PANK1: variants seen among roughly 807,000 people sequenced by gnomAD.
The protein encoded by PANK1 is pantothenate kinase 1.
In PANK1, 18 loss-of-function variants were observed where a neutral mutation model predicts 40.1. The ratio of observed to expected loss-of-function variants is 0.45; its 90% confidence interval spans 0.31 to 0.67. The LOEUF is 0.67. Ranked by LOEUF, PANK1 falls within the 30% of genes least tolerant of loss-of-function variation. The pLI is 0.06. For missense variants in PANK1, 457 were observed against 599.6 expected (o/e 0.76, Z 2.48); for synonymous variants, 242 against 237.7 (o/e 1.02, Z -0.17).
At chr10:89,623,460 G>A (rs959247317) in intron 1 of PANK1, among the ~76,000 whole-genome samples, 2 of 151,584 alleles carry the variant, frequency 1.3e-5, no homozygotes, top group African/African-American at 4.9e-5. Flanking sequence ...TTCTGACCTC[G>A]CGATTCTCCC....
intron 1 of PANK1, among the ~76,000 whole-genome samples, chr10:89,634,100 G>A (rs1428326619): frequency 6.6e-6 from 1 of 152,206 alleles, no homozygotes; most frequent in Non-Finnish European, 1.5e-5. Context: ...GTTATAGGGA[G>A]ACAGATTTTG....
At position 89,593,320 on chromosome 10, in the gene PANK1, G is replaced by A; in HGVS notation, c.1077C>T (p.Ser359=). 2 of 1,613,472 alleles carry A rather than the reference G, an allele frequency of 1.2e-6. No individual in the cohort carries two copies. Among genetic ancestry groups the A allele is most frequent in the Non-Finnish European group, 1.7e-6 (2 of 1,179,678 alleles). ...FGLQGSAVAS[S]FGNMMSKEKR... is the part of the protein sequence containing the mutation. ...TTTCTTTACTCATCATGTTGCCAAA[G>A]CTATGTTGGAAATATCAGCGAGAGT... Residue 359 remains serine, a splice_region_variant and synonymous_variant, in exon 5 of 7, where the codon AGC becomes AGT. Coordinates refer to ENST00000307534, the MANE Select transcript of PANK1 (RefSeq NM_148977.3).
chr10:89,609,182 A>T (rs1845076167), intron 2 of PANK1, among the ~76,000 whole-genome samples: 1 of 152,188 alleles, frequency 6.6e-6, no homozygotes, highest in South Asian at 2.1e-4. Context: ...CTCGTGCCTC[A>T]GCCTCCTGAG....
At chr10:89,635,446 A>G (rs1228970350) in intron 1 of PANK1, among the ~76,000 whole-genome samples, 1 of 152,152 alleles carries the variant, frequency 6.6e-6, no homozygotes, top group Non-Finnish European at 1.5e-5. Flanking sequence ...GGCATTAATC[A>G]TTCATGGGGA....
intron 1 of PANK1, among the ~76,000 whole-genome samples, chr10:89,624,671 C>T (rs1299385095): frequency 6.6e-6 from 1 of 152,070 alleles, no homozygotes; most frequent in Non-Finnish European, 1.5e-5. Flanking sequence ...TTTTTAGTGA[C>T]TGGCCACATT....
chr10:89,614,709 A>G (rs1845266544), intron 1 of PANK1, among the ~76,000 whole-genome samples: 1 of 152,034 alleles, frequency 6.6e-6, no homozygotes, highest in African/African-American at 2.4e-5. Flanking sequence ...AGGTGGGAGG[A>G]TCACATGATC....
At chr10:89,592,852 A>G (rs563272449) in intron 5 of PANK1, 1 of 546,862 alleles carries the variant, frequency 1.8e-6, no homozygotes, top group East Asian at 5.1e-5. Flanking sequence ...CAAGTCGAGC[A>G]TTTTACCTGC....
In PANK1 at chr10:89,623,100, A is replaced by G. The variant is rs571666705; in HGVS notation, c.293-11052T>C. 1.1e-4 allele frequency among the ~76,000 whole-genome samples: 16 copies of G among 152,314 alleles called. No homozygotes were observed. The South Asian group carries it at 2.1e-3, about 20-fold the overall frequency. On this transcript the variant is annotated intron_variant, in intron 1 of 6. Transcript: ENST00000307534. ...AATTTTGTCTAAAAATTAAATGGCTATTTGGACACACACACACAAAACTAG... is the reference window on the plus strand; with the variant it reads ...AATTTTGTCTAAAAATTAAATGGCTGTTTGGACACACACACACAAAACTAG...
chr10:89,607,853 G>T (rs888252584), intron 2 of PANK1, among the ~76,000 whole-genome samples: 3 of 151,948 alleles, frequency 2.0e-5, no homozygotes, highest in Non-Finnish European at 4.4e-5. Context: ...CAGCCATGCA[G>T]AGTTCTCCAT....
chr10:89,643,621 A>T, intron 1 of PANK1: 1 of 1,127,680 alleles, frequency 8.9e-7, no homozygotes, highest in Non-Finnish European at 1.3e-6. Context: ...TCCAAAACCT[A>T]CTTAACAATT....
chr10:89,639,454 T>G (rs933233021), intron 1 of PANK1, among the ~76,000 whole-genome samples: 2 of 152,208 alleles, frequency 1.3e-5, no homozygotes, highest in African/African-American at 4.8e-5. Context: ...TTACTATGCA[T>G]GTACTAGGGT....
chr10:89,592,543 C>T (rs1223020476), intron 5 of PANK1, among the ~76,000 whole-genome samples: 1 of 152,184 alleles, frequency 6.6e-6, no homozygotes, highest in Non-Finnish European at 1.5e-5. Context: ...TGACCTGTTC[C>T]ATGCCTCAAC....
At chr10:89,623,699 C>T (rs1434083273) in intron 1 of PANK1, among the ~76,000 whole-genome samples, 1 of 152,086 alleles carries the variant, frequency 6.6e-6, no homozygotes, top group Non-Finnish European at 1.5e-5. Context: ...GCTTTCATTC[C>T]CTAACTCAAC....
chr10:89,595,836 ATATAT>A lies in PANK1; in HGVS notation c.900-1852_900-1848del, dbSNP rs1844572250. Among the ~76,000 whole-genome samples, 35 of 46,284 alleles carry A rather than the reference ATATAT, an allele frequency of 7.6e-4. 2 individuals carry two copies. The highest frequency in any genetic ancestry group is 2.5e-3 in the African/African-American group (17 of 6,702). The allele number at this position is 46,284 out of a possible 152,430, so 30.4% of individuals were successfully genotyped here. Reference sequence around the variant, plus strand: ...CATCTTAAAAAAAAAAAAAAAAAATATATATATATATATATATATATATATATATA... The same window carrying A: ...CATCTTAAAAAAAAAAAAAAAAAATAATATATATATATATATATATATATA... On this transcript the variant is annotated intron_variant, in intron 3 of 6. Transcript: ENST00000307534.
Position 89,644,662 on chromosome 10 carries a change from T to A in PANK1, c.230A>T (p.Asp77Val), listed in dbSNP as rs761905218. 3.4e-5 allele frequency: 53 copies of A among 1,574,714 alleles called. No homozygotes were observed. In the South Asian group the frequency reaches 5.8e-4, roughly 17 times the overall value. ...CAGCCGGCATTTCTTGGCCGGGGAG[T>A]CATGCTGAGGGAGCAGTGGCTGCGG... ...LQPQPLLPQHDSPAKKCRLRR... is the reference protein window; with the variant it reads ...LQPQPLLPQHVSPAKKCRLRR... The change falls in exon 1 of 7, where the codon GAC becomes GTC. Residue 77 changes from aspartate to valine, a missense_variant. Around this residue, in one of 4 missense-constraint regions of PANK1, gnomAD observed 144 missense variants for 131.2 expected, o/e 1.10. Coordinates refer to ENST00000307534, the MANE Select transcript of PANK1 (RefSeq NM_148977.3).
chr10:89,591,720 T>C, intron 5 of PANK1, among the ~76,000 whole-genome samples: 1 of 152,230 alleles, frequency 6.6e-6, no homozygotes, highest in East Asian at 1.9e-4. Flanking sequence ...CAAACCAGTG[T>C]ATAACATGGC....
Position 89,599,350 on chromosome 10 carries a change from A to G in PANK1, c.801T>C (p.Leu267=). The change falls in exon 3 of 7, where the codon CTT becomes CTC. Residue 267 remains leucine, a synonymous_variant. Coordinates refer to ENST00000307534, the MANE Select transcript of PANK1 (RefSeq NM_148977.3). ...CCAGCAACATAGGGTATGGGTTATC[A>G]AGGCAGTACGGCTTTTTTTGACACA... ...PELCQKKPYC[L]DNPYPMLLVN... is the part of the protein sequence containing the mutation. 2 of 1,613,920 alleles carry G rather than the reference A, an allele frequency of 1.2e-6. No individual in the cohort carries two copies. The highest frequency in any genetic ancestry group is 1.7e-6 in the Non-Finnish European group (2 of 1,179,786).
At chr10:89,598,352 G>C (rs1488236248) in intron 3 of PANK1, among the ~76,000 whole-genome samples, 1 of 152,184 alleles carries the variant, frequency 6.6e-6, no homozygotes, top group Non-Finnish European at 1.5e-5. Flanking sequence ...CTTCATGGCA[G>C]AAATGAGGAT....
intron 1 of PANK1, among the ~76,000 whole-genome samples, chr10:89,630,010 AC>A (rs1841586746): frequency 6.6e-6 from 1 of 152,240 alleles, no homozygotes; most frequent in Non-Finnish European, 1.5e-5. Flanking sequence ...AGACAGCATT[AC>A]CAGGACTTGA....
Sources: allele counts gnomAD v4.1 joint callset (sites outside exome capture counted in the v4.1 genomes callset), GRCh38; gene constraint gnomAD v4.1.1; regional missense constraint gnomAD v4.1.1; transcripts MANE v1.5; gene names NCBI Gene and HGNC (gene_info 2026-07-23, HGNC 2026-07-21).